ADGRL2: variants seen among roughly 807,000 people sequenced by gnomAD.
ADGRL2 encodes the protein calcium-independent alpha-latrotoxin receptor 2.
Under a neutral mutation model 157.4 loss-of-function variants are expected in ADGRL2, and 44 were observed. The ratio of observed to expected loss-of-function variants is 0.28; its 90% CI spans 0.22 to 0.36. ADGRL2 has a LOEUF of 0.36. Ranked by LOEUF, ADGRL2 falls within the 10% of genes least tolerant of loss-of-function variation. The pLI, the probability that ADGRL2 is intolerant of heterozygous loss-of-function variation, is 1.00. For synonymous variants in ADGRL2, 585 were observed against 624.7 expected (o/e 0.94, Z 0.95); for missense variants, 1,510 against 1,768.9 (o/e 0.85, Z 2.63).
rs375969251 is a variant in ADGRL2 at position 81,965,988 on chromosome 1, C to A, written c.2018-70C>A. The stretch of plus-strand genomic sequence containing the variant: ...AAAACAGTAGTTTCCATACAGTTAT[C>A]ATTTGCCTCCTTAGTTAACTCTTAA... On this transcript the variant is annotated intron_variant, in intron 11 of 23. Transcript: ENST00000686636. 1.1e-4 allele frequency: 161 copies of A among 1,472,572 alleles called. No homozygotes were observed. In the South Asian group the frequency reaches 1.8e-3, roughly 17 times the overall value. The allele number at this position is 1,472,572 out of a possible 1,614,324, so 91.2% of individuals were successfully genotyped here.
At chr1:81,656,986 G>T (rs1008437410) in intron 3 of ADGRL2, among the ~76,000 whole-genome samples, 9 of 147,818 alleles carry the variant, frequency 6.1e-5, no homozygotes, top group Non-Finnish European at 1.3e-4. Context: ...TGCCAGCCTA[G>T]GTGATGGAGT....
intron 2 of ADGRL2, among the ~76,000 whole-genome samples, chr1:81,475,309 A>G (rs191864143): frequency 2.0e-5 from 3 of 152,298 alleles, no homozygotes; most frequent in South Asian, 4.1e-4. Flanking sequence ...AGATGCATGC[A>G]TAATCAGCTA....
At chr1:81,397,207 G>A (rs373928667) in intron 1 of ADGRL2, among the ~76,000 whole-genome samples, 14 of 151,848 alleles carry the variant, frequency 9.2e-5, no homozygotes, top group African/African-American at 1.9e-4. Context: ...GTATGTGTCC[G>A]GGAATTTATC....
intron 2 of ADGRL2, among the ~76,000 whole-genome samples, chr1:81,550,164 C>A (rs1471862877): frequency 6.6e-6 from 1 of 152,092 alleles, no homozygotes; most frequent in African/African-American, 2.4e-5. Flanking sequence ...AGATGCCAGT[C>A]AATGCCTTAT....
intron 1 of ADGRL2, among the ~76,000 whole-genome samples, chr1:81,375,321 G>A (rs2101013261): frequency 6.6e-6 from 1 of 152,266 alleles, no homozygotes; most frequent in Non-Finnish European, 1.5e-5. Context: ...CCATTCAAAA[G>A]CCAGAAGATG....
chr1:81,423,279 T>A (rs1461743521), intron 1 of ADGRL2, among the ~76,000 whole-genome samples: 2 of 152,224 alleles, frequency 1.3e-5, no homozygotes, highest in African/African-American at 4.8e-5. Flanking sequence ...TATATAGGAC[T>A]GTACTCATAT....
At chr1:81,427,935 C>T (rs113452735) in intron 1 of ADGRL2, among the ~76,000 whole-genome samples, 5 of 151,902 alleles carry the variant, frequency 3.3e-5, no homozygotes, top group African/African-American at 1.2e-4. Flanking sequence ...GGTATATTGC[C>T]CTGTAAATTG....
At chr1:81,307,513 TG>T in intron 1 of ADGRL2, among the ~76,000 whole-genome samples, 1 of 152,316 alleles carries the variant, frequency 6.6e-6, no homozygotes, top group East Asian at 1.9e-4. Context: ...AAATGCAATA[TG>T]TCTTTGAAAG....
chr1:81,741,944 T>A (rs79904536), intron 1 of ADGRL2, among the ~76,000 whole-genome samples: 2,010 of 152,118 alleles, frequency 0.013, 42 homozygotes, highest in African/African-American at 0.046. Context: ...ATTATCTATG[T>A]AATATATAAA....
At chr1:81,384,678 G>C (rs747642454) in intron 1 of ADGRL2, among the ~76,000 whole-genome samples, 5 of 152,014 alleles carry the variant, frequency 3.3e-5, no homozygotes, top group South Asian at 2.1e-4. Flanking sequence ...AAGTTTTACT[G>C]GTATATGACC....
chr1:81,962,460 A>G (rs928161334), intron 11 of ADGRL2, among the ~76,000 whole-genome samples: 1 of 152,070 alleles, frequency 6.6e-6, no homozygotes, highest in Non-Finnish European at 1.5e-5. Flanking sequence ...TATCTTTTTA[A>G]AAGGAATCTG....
intron 1 of ADGRL2, among the ~76,000 whole-genome samples, chr1:81,830,016 C>G (rs2091826622): frequency 6.6e-6 from 1 of 152,150 alleles, no homozygotes; most frequent in South Asian, 2.1e-4. Context: ...CTGTTAGTTA[C>G]TTCTCTTAGC....
chr1:81,711,563 TA>T (rs1376494772), intron 1 of ADGRL2, among the ~76,000 whole-genome samples: 2 of 152,188 alleles, frequency 1.3e-5, no homozygotes, highest in South Asian at 4.1e-4. Flanking sequence ...TTAAAATTGG[TA>T]TTTTTTTGTT....
chr1:81,749,629 A>T (rs2085423571), intron 1 of ADGRL2, among the ~76,000 whole-genome samples: 1 of 152,226 alleles, frequency 6.6e-6, no homozygotes, highest in Non-Finnish European at 1.5e-5. Context: ...TAAACTAGAC[A>T]TTGGATGCTT....
chr1:81,949,451 G>A (rs1283717085), intron 6 of ADGRL2, among the ~76,000 whole-genome samples: 3 of 152,202 alleles, frequency 2.0e-5, no homozygotes, highest in Admixed American at 1.3e-4. Context: ...TGTTAAGGGT[G>A]ACTAAGATAT....
chr1:81,565,888 G>T lies in ADGRL2; in HGVS notation c.-247-14988G>T, dbSNP rs535924705. 5.9e-5 allele frequency among the ~76,000 whole-genome samples: 9 copies of T among 152,258 alleles called. No homozygotes were observed. The South Asian group carries it at 1.7e-3, about 28-fold the overall frequency. ...AAGGATCTATTGATTAGAAGTAGAT[G>T]ACTCAAACTTGATTTGTGTGCACTG... On this transcript the variant is annotated intron_variant, in intron 2 of 24. Transcript: ENST00000370721.
At chr1:81,895,004 A>C (rs139853302) in intron 2 of ADGRL2, among the ~76,000 whole-genome samples, 86 of 152,320 alleles carry the variant, frequency 5.6e-4, no homozygotes, top group Middle Eastern at 6.8e-3. Context: ...CACTAGTTTC[A>C]GTGTGTTAAT....
chr1:81,942,101 A>C, intron 5 of ADGRL2, 56 bp downstream of exon 5: 1 of 687,798 alleles, frequency 1.5e-6, no homozygotes, highest in Non-Finnish European at 2.7e-6. Flanking sequence ...ATGGATGTTA[A>C]CCTCCTCCCT....
At chr1:81,452,399 C>T (rs936020021) in intron 2 of ADGRL2, among the ~76,000 whole-genome samples, 1 of 152,134 alleles carries the variant, frequency 6.6e-6, no homozygotes, top group Non-Finnish European at 1.5e-5. Context: ...CAGCCTTACA[C>T]GATTTTACTG....
Sources: gnomAD v4.1 joint callset for allele counts (sites outside exome capture counted in the v4.1 genomes callset) on GRCh38, gnomAD v4.1.1 for gene constraint, MANE v1.5 for transcripts, NCBI Gene and HGNC (gene_info 2026-07-23, HGNC 2026-07-21) for gene names.